The following NAV2 variants were observed in gnomAD, a reference collection of about 807,000 sequenced individuals.
NAV2 encodes helicase, APC down-regulated 1.
A neutral mutation model predicts 223.2 loss-of-function variants in NAV2; 54 were observed. The ratio of observed to expected loss-of-function variants is 0.24; its 90% CI spans 0.19 to 0.30. The LOEUF is 0.30. NAV2 is among the 10% of genes least tolerant of loss of function. NAV2 has a pLI of 1.00. For missense variants in NAV2, 2,806 were observed against 3,147.5 expected, an observed-to-expected ratio of 0.89 and a Z score of 2.60; for synonymous variants, 1,279 against 1,239.3, an observed-to-expected ratio of 1.03 and a Z score of -0.67.
chr11:19,422,811 C>T (rs924500920), intron 1 of NAV2, among the ~76,000 whole-genome samples: 92 of 152,340 alleles, frequency 6.0e-4, no homozygotes, highest in African/African-American at 2.2e-3. Context: ...TCTCTCCATC[C>T]CTCTCCCCTT....
chr11:19,655,152 C>A (rs562694421), intron 1 of NAV2, among the ~76,000 whole-genome samples: 14 of 152,334 alleles, frequency 9.2e-5, no homozygotes, highest in Admixed American at 2.6e-4. Flanking sequence ...TGCTCATCAT[C>A]ACTGGCCATC....
intron 11 of NAV2, among the ~76,000 whole-genome samples, chr11:20,015,009 T>G (rs2053887598): frequency 6.6e-6 from 1 of 152,208 alleles, no homozygotes; most frequent in Middle Eastern, 3.4e-3. Flanking sequence ...GGCGGGAGGA[T>G]TGCTTGAGCC....
intron 1 of NAV2, among the ~76,000 whole-genome samples, chr11:19,793,301 G>T (rs142987734): frequency 3.3e-5 from 5 of 151,606 alleles, no homozygotes; most frequent in African/African-American, 9.7e-5. Context: ...TATCACAACA[G>T]CTGATTATTG....
intron 1 of NAV2, among the ~76,000 whole-genome samples, chr11:19,787,246 A>T: frequency 7.0e-6 from 1 of 142,204 alleles, no homozygotes. Flanking sequence ...ACACACCAAC[A>T]TGCCTGGCTA....
intron 11 of NAV2, among the ~76,000 whole-genome samples, chr11:19,994,091 C>A (rs772799152): frequency 6.6e-6 from 1 of 152,206 alleles, no homozygotes; most frequent in Non-Finnish European, 1.5e-5. Flanking sequence ...ATACTGGGAA[C>A]TTGCTGTTAT....
intron 2 of NAV2, among the ~76,000 whole-genome samples, chr11:19,834,018 G>A (rs1321536748): frequency 6.6e-6 from 1 of 151,896 alleles, no homozygotes; most frequent in African/African-American, 2.4e-5. Context: ...CATGGGAATG[G>A]CATCTTACCA....
chr11:20,064,000 C>T (rs1168083680), intron 20 of NAV2, among the ~76,000 whole-genome samples: 1 of 152,182 alleles, frequency 6.6e-6, no homozygotes, highest in Non-Finnish European at 1.5e-5. Context: ...CCCACCTCAC[C>T]CCTCCAACTC....
At chr11:19,637,553 C>T (rs556086962) in intron 1 of NAV2, among the ~76,000 whole-genome samples, 3 of 152,346 alleles carry the variant, frequency 2.0e-5, no homozygotes, top group South Asian at 2.1e-4. Flanking sequence ...ATTGGCTTGC[C>T]GTTCTGCAGG....
intron 6 of NAV2, among the ~76,000 whole-genome samples, chr11:19,931,579 G>T (rs1025304393): frequency 7.0e-6 from 1 of 143,288 alleles, no homozygotes; most frequent in African/African-American, 2.6e-5. Context: ...CTAGAAGGCA[G>T]TGGAACATAG....
intron 1 of NAV2, among the ~76,000 whole-genome samples, chr11:19,491,955 A>AAG (rs150403869): frequency 0.015 from 1,823 of 120,908 alleles, 14 homozygotes; most frequent in African/African-American, 0.037. Flanking sequence ...GGGAGACTCA[A>AAG]AGAGAGAGAG....
chr11:19,554,805 A>T (rs1354317559), intron 1 of NAV2, among the ~76,000 whole-genome samples: 1 of 152,060 alleles, frequency 6.6e-6, no homozygotes, highest in East Asian at 1.9e-4. Flanking sequence ...CGTCTCTACT[A>T]AAAATACAAA....
At chr11:19,557,912 T>C (rs2044956187) in intron 1 of NAV2, among the ~76,000 whole-genome samples, 1 of 152,194 alleles carries the variant, frequency 6.6e-6, no homozygotes, top group South Asian at 2.1e-4. Context: ...CTGGTGAATA[T>C]CATGTGAGTC....
intron 1 of NAV2, among the ~76,000 whole-genome samples, chr11:19,592,203 T>G (rs1257593845): frequency 6.6e-6 from 1 of 152,120 alleles, no homozygotes; most frequent in Non-Finnish European, 1.5e-5. Flanking sequence ...GTCCTTCATC[T>G]GCATCTTCCT....
chr11:19,845,965 A>G (rs990925351), intron 3 of NAV2, among the ~76,000 whole-genome samples: 2 of 152,238 alleles, frequency 1.3e-5, no homozygotes, highest in East Asian at 3.8e-4. Flanking sequence ...AAGAACTCAG[A>G]TAAGTGGGCA....
In NAV2 at chr11:19,923,284, G is replaced by GT. The variant is rs1413131486; in HGVS notation, c.932-9890dup. Among the ~76,000 whole-genome samples the GT allele has an allele frequency of 2.0e-5, 3 of 152,058 alleles. No individual in the cohort carries two copies. The South Asian group carries it at 6.2e-4, about 32-fold the overall frequency. The stretch of plus-strand genomic sequence containing the variant: ...TTCTTTAAACTATCCCATAAAATCA[G>GT]TTCCCTGGCAAAAATACATTTAAGA... On this transcript the variant is annotated intron_variant, in intron 6 of 37. Coordinates refer to ENST00000349880, the MANE Select transcript of NAV2 (RefSeq NM_145117.5).
intron 11 of NAV2, among the ~76,000 whole-genome samples, chr11:20,023,608 G>C (rs1202284947): frequency 6.6e-6 from 1 of 152,004 alleles, no homozygotes; most frequent in Non-Finnish European, 1.5e-5. Flanking sequence ...GGTTCAGAGG[G>C]CCCTGATTAA....
chr11:19,734,769 T>C (rs961233070), intron 1 of NAV2, among the ~76,000 whole-genome samples: 11 of 152,164 alleles, frequency 7.2e-5, no homozygotes, highest in African/African-American at 2.4e-4. Flanking sequence ...ACACCAGCAG[T>C]GCCTGGACTC....
chr11:19,903,717 A>T (rs2042633563), intron 6 of NAV2, among the ~76,000 whole-genome samples: 1 of 151,610 alleles, frequency 6.6e-6, no homozygotes, highest in African/African-American at 2.4e-5. Context: ...GCTGCCCCCT[A>T]CTGCCCAAGT....
At chr11:19,357,463 G>A (rs1853684632) in intron 1 of NAV2, among the ~76,000 whole-genome samples, 1 of 152,198 alleles carries the variant, frequency 6.6e-6, no homozygotes, top group Non-Finnish European at 1.5e-5. Flanking sequence ...TGAGGATTAT[G>A]AGATATAATG....
Sources: gnomAD v4.1 joint callset for allele counts (sites outside exome capture counted in the v4.1 genomes callset) on GRCh38, gnomAD v4.1.1 for gene constraint, MANE v1.5 for transcripts, NCBI Gene and HGNC (gene_info 2026-07-23, HGNC 2026-07-21) for gene names.